The following ATP2B2 variants were observed in gnomAD, a reference collection of about 807,000 sequenced individuals.
ATP2B2 encodes the protein plasma membrane calcium-transporting ATPase 2.
ATP2B2 carries 15 observed loss-of-function variants against 120.0 expected under a neutral mutation model. That is an observed-to-expected ratio of 0.12 (90% confidence interval 0.08 to 0.19). The LOEUF (loss-of-function observed/expected upper bound fraction) is 0.19, where lower values mean the gene tolerates loss of function less well. Among genes scored for constraint, ATP2B2 ranks in the 10% least tolerant of loss-of-function variants. ATP2B2 has a pLI of 1.00. For missense variants in ATP2B2, 1,045 were observed against 1,719.8 expected, an observed-to-expected ratio of 0.61 and a Z score of 6.94; for synonymous variants, 694 against 700.3, an observed-to-expected ratio of 0.99 and a Z score of 0.14.
intron 16 of ATP2B2, among the ~76,000 whole-genome samples, chr3:10,348,694 C>T (rs933282305): frequency 5.9e-5 from 9 of 152,238 alleles, no homozygotes; most frequent in Non-Finnish European, 8.8e-5. Context: ...TAAAGCCTCC[C>T]TAGTCCAAGT....
At chr3:10,702,265 A>G (rs1037595317) in intron 1 of ATP2B2, among the ~76,000 whole-genome samples, 2 of 152,212 alleles carry the variant, frequency 1.3e-5, no homozygotes, top group African/African-American at 4.8e-5. Flanking sequence ...GGTAAAAATT[A>G]TATGTGAAAA....
intron 2 of ATP2B2, among the ~76,000 whole-genome samples, chr3:10,429,384 C>T (rs558390130): frequency 2.7e-4 from 41 of 152,326 alleles, no homozygotes; most frequent in South Asian, 6.2e-4. Context: ...ATAGCACATG[C>T]TCACCTCATT....
intron 2 of ATP2B2, among the ~76,000 whole-genome samples, chr3:10,415,679 A>G (rs1575163154): frequency 6.6e-6 from 1 of 152,216 alleles, no homozygotes; most frequent in African/African-American, 2.4e-5. Context: ...AGCAGAAACA[A>G]CAGAGGCTGG....
rs1456292565 is a variant in ATP2B2 at position 10,343,238 on chromosome 3, T to A, written c.2704-273A>T. Among the ~76,000 whole-genome samples the A allele has an allele frequency of 2.6e-5, 4 of 152,096 alleles. No homozygotes were observed. The highest frequency in any genetic ancestry group is 9.7e-5 in the African/African-American group (4 of 41,428). ...CTCCCTGCCTTCTGGTAAATTCAGC[T>A]GCATCTCACCATCTTCCCCTCTCCC... On this transcript the variant is annotated intron_variant, in intron 18 of 22. Coordinates refer to ENST00000360273, the MANE Select transcript of ATP2B2 (RefSeq NM_001001331.4). This position sits in a 1 kb window ranked among gnomAD's most constrained non-coding sequence, Gnocchi z 4.2.
intron 3 of ATP2B2, among the ~76,000 whole-genome samples, chr3:10,511,953 G>T (rs991849736): frequency 6.6e-6 from 1 of 152,180 alleles, no homozygotes; most frequent in African/African-American, 2.4e-5. Flanking sequence ...AAAGGGAGCG[G>T]GTGGGGATGA....
At position 10,619,624 on chromosome 3, in the gene ATP2B2, C is replaced by T. The variant is rs557444922; in HGVS notation, c.-415+293G>A. On this transcript the variant is annotated intron_variant, in intron 2 of 21. Coordinates refer to the ATP2B2 transcript ENST00000646379. ...GTAGGCTCTGCGAGGACAGGGGAGG[C>T]GGTCACCGGCTGGAAATAAGCCCGA... Among the ~76,000 whole-genome samples the T allele has an allele frequency of 4.6e-5, 7 of 152,300 alleles. No homozygotes were observed. In the South Asian group the frequency reaches 6.2e-4, roughly 14 times the overall value.
chr3:10,661,017 T>C (rs1001145312), intron 1 of ATP2B2, among the ~76,000 whole-genome samples: 11 of 152,190 alleles, frequency 7.2e-5, no homozygotes, highest in Non-Finnish European at 1.3e-4. Context: ...TCTCAATAGG[T>C]GCAGAAAAGG....
intron 2 of ATP2B2, among the ~76,000 whole-genome samples, chr3:10,443,172 C>T (rs766286286): frequency 6.6e-6 from 1 of 152,206 alleles, no homozygotes; most frequent in Non-Finnish European, 1.5e-5. Flanking sequence ...CTTCTCTCCT[C>T]AGCTGTCTCC....
At chr3:10,483,567 G>A (rs970158796) in intron 1 of ATP2B2, among the ~76,000 whole-genome samples, 4 of 152,310 alleles carry the variant, frequency 2.6e-5, no homozygotes, top group Admixed American at 1.3e-4. Context: ...AGTCTGATGA[G>A]CGATCTACCT....
intron 5 of ATP2B2, among the ~76,000 whole-genome samples, chr3:10,399,424 T>C (rs541779102): frequency 1.3e-5 from 2 of 152,390 alleles, no homozygotes; most frequent in South Asian, 4.1e-4. Flanking sequence ...GCTTCCCTGA[T>C]GAACTCAGAT....
chr3:10,478,700 A>G (rs956140042), intron 1 of ATP2B2, among the ~76,000 whole-genome samples: 1 of 151,856 alleles, frequency 6.6e-6, no homozygotes, highest in African/African-American at 2.4e-5. Flanking sequence ...CCTCCTTCCT[A>G]CATTTCTTGA....
rs560850142 is a variant in ATP2B2 at position 10,326,829 on chromosome 3, T to C, written c.*1985A>G. On this transcript the variant is annotated 3_prime_UTR_variant, in exon 23 of 23. Transcript: ENST00000360273. ...AAGTTTTTCCACCGCCATCCAGATG[T>C]AGGCCCTCCCAGTTGACTATGGCTC... 7.0e-4 allele frequency: 281 copies of C among 399,024 alleles called. No individual in the cohort carries two copies. Among genetic ancestry groups the C allele is most frequent in the Non-Finnish European group, 9.4e-4 (212 of 226,074 alleles). 24.7% of individuals were successfully genotyped at this position (399,024 alleles called of 1,614,324 possible).
intron 2 of ATP2B2, among the ~76,000 whole-genome samples, chr3:10,612,357 C>T (rs1256388117): frequency 6.6e-6 from 1 of 152,204 alleles, no homozygotes; most frequent in Non-Finnish European, 1.5e-5. Flanking sequence ...AGTCCAGAGG[C>T]CATTTCTTGG....
intron 3 of ATP2B2, among the ~76,000 whole-genome samples, chr3:10,405,448 C>T (rs923718314): frequency 6.6e-6 from 1 of 152,162 alleles, no homozygotes; most frequent in African/African-American, 2.4e-5. Context: ...GTGCAGATCG[C>T]TGGGGTAGGG....
At position 10,343,148 on chromosome 3, in the gene ATP2B2, C is replaced by T. The variant is rs2060329619; in HGVS notation, c.2704-183G>A. On this transcript the variant is annotated intron_variant, in intron 18 of 22. Coordinates refer to ENST00000360273, the MANE Select transcript of ATP2B2 (RefSeq NM_001001331.4). The surrounding 1 kb of genome is among the most constrained non-coding windows in gnomAD (Gnocchi z 4.2). ...TTCTCTGGAGAACAGTGCAGACCTG[C>T]CCACCTCAGCCACATCTTCCCTGCC... 6.6e-6 allele frequency among the ~76,000 whole-genome samples: 1 copy of T among 152,180 alleles called. No homozygotes were observed. Among genetic ancestry groups the T allele is most frequent in the African/African-American group, 2.4e-5 (1 of 41,440 alleles).
chr3:10,533,506 T>A (rs1433130767), intron 3 of ATP2B2, among the ~76,000 whole-genome samples: 1 of 152,156 alleles, frequency 6.6e-6, no homozygotes, highest in East Asian at 1.9e-4. Flanking sequence ...GCTGCCAAGC[T>A]CTCAATAACC....
intron 1 of ATP2B2, among the ~76,000 whole-genome samples, chr3:10,621,782 C>T (rs2069557193): frequency 6.6e-6 from 1 of 152,358 alleles, no homozygotes; most frequent in East Asian, 1.9e-4. Flanking sequence ...ATTACTCCCA[C>T]ATTACAGATG....
At chr3:10,411,413 T>C (rs1432320702) in intron 2 of ATP2B2, among the ~76,000 whole-genome samples, 1 of 152,214 alleles carries the variant, frequency 6.6e-6, no homozygotes, top group Non-Finnish European at 1.5e-5. Flanking sequence ...GGTCATTTGC[T>C]GTGGCAGCCA....
At chr3:10,615,836 GTTTCT>G (rs2069371451) in intron 2 of ATP2B2, among the ~76,000 whole-genome samples, 1 of 152,144 alleles carries the variant, frequency 6.6e-6, no homozygotes, top group Admixed American at 6.5e-5. Context: ...CTTCATGAGA[GTTTCT>G]TAGTAAAATT....
Sources: gnomAD v4.1 joint callset for allele counts (sites outside exome capture counted in the v4.1 genomes callset) on GRCh38, gnomAD v4.1.1 for gene constraint, Gnocchi (gnomAD v3.1) non-coding constraint, MANE v1.5 for transcripts, NCBI Gene and HGNC (gene_info 2026-07-23, HGNC 2026-07-21) for gene names.